The following ADCY1 variants were observed in gnomAD, a reference collection of about 807,000 sequenced individuals.
The protein encoded by ADCY1 is adenylate cyclase 1, also known as adenylate cyclase type 1.
Under a neutral mutation model 105.4 loss-of-function variants are expected in ADCY1, and 28 were observed. That is an observed-to-expected ratio of 0.27 (90% CI 0.20 to 0.36). The LOEUF (loss-of-function observed/expected upper bound fraction) is 0.36, where lower values mean the gene tolerates loss of function less well. Ranked by LOEUF, ADCY1 falls within the 10% of genes least tolerant of loss-of-function variation. ADCY1 has a pLI of 1.00. For missense variants in ADCY1, 977 were observed against 1,434.2 expected, an observed-to-expected ratio of 0.68 and a Z score of 5.15; for synonymous variants, 655 against 623.8, an observed-to-expected ratio of 1.05 and a Z score of -0.75.
chr7:45,618,230 A>C (rs998913420), intron 3 of ADCY1, among the ~76,000 whole-genome samples: 12 of 152,244 alleles, frequency 7.9e-5, no homozygotes, highest in Admixed American at 7.2e-4. Context: ...AAATAAACTC[A>C]AAATGGATCA....
chr7:45,633,618 G>A (rs989915042), intron 4 of ADCY1, among the ~76,000 whole-genome samples: 4 of 152,022 alleles, frequency 2.6e-5, no homozygotes, highest in South Asian at 4.2e-4. Context: ...TCTGGCCAAC[G>A]TGGTGAAACC....
At position 45,581,017 on chromosome 7, in the gene ADCY1, C is replaced by G. The variant is rs77961100; in HGVS notation, c.639+5835C>G. Among the ~76,000 whole-genome samples the G allele has an allele frequency of 8.1e-3, 1,233 of 152,220 alleles. 13 individuals carry two copies. Among genetic ancestry groups the G allele is most frequent in the African/African-American group, 0.022 (913 of 41,530 alleles). On this transcript the variant is annotated intron_variant, in intron 1 of 19. Coordinates refer to ENST00000297323, the MANE Select transcript of ADCY1 (RefSeq NM_021116.4). ...GGTTCCTGCAGATGCCCAGAAATGT[C>G]CTTGGACCATTTCCTGACTCAGACG... is the stretch of plus-strand genomic sequence containing the variant.
At chr7:45,603,573 A>G (rs1793298549) in intron 2 of ADCY1, among the ~76,000 whole-genome samples, 1 of 152,198 alleles carries the variant, frequency 6.6e-6, no homozygotes. Context: ...CAGCTTCCCC[A>G]GTGGCAACAT....
intron 3 of ADCY1, among the ~76,000 whole-genome samples, chr7:45,610,755 G>A (rs754859395): frequency 5.6e-4 from 13 of 23,312 alleles, no homozygotes; most frequent in South Asian, 3.1e-3. Flanking sequence ...TGATGATGGA[G>A]GTGTAGAGGT....
chr7:45,590,190 A>G (rs139678757), intron 1 of ADCY1, among the ~76,000 whole-genome samples: 2,853 of 152,220 alleles, frequency 0.019, 59 homozygotes, highest in South Asian at 0.091. Flanking sequence ...CATCTTGACA[A>G]CTGACCCGCC....
At chr7:45,668,037 A>G (rs905094073) in intron 8 of ADCY1, among the ~76,000 whole-genome samples, 17 of 152,312 alleles carry the variant, frequency 1.1e-4, no homozygotes, top group East Asian at 3.9e-4. Context: ...GGCTGAGATG[A>G]TGGGGTTTTC....
At chr7:45,649,563 G>A (rs979158461) in intron 5 of ADCY1, among the ~76,000 whole-genome samples, 1 of 152,232 alleles carries the variant, frequency 6.6e-6, no homozygotes, top group Admixed American at 6.5e-5. Context: ...GGTAGTTGCA[G>A]GTGAAAGGAT....
chr7:45,626,021 A>G (rs1794053174), intron 4 of ADCY1, among the ~76,000 whole-genome samples: 1 of 152,188 alleles, frequency 6.6e-6, no homozygotes, highest in Admixed American at 6.5e-5. Context: ...GCTACTTCCT[A>G]GAGGCTTGGT....
At chr7:45,677,785 A>T in intron 8 of ADCY1, 84 bp from the exon 9 acceptor site, 1 of 1,421,866 alleles carries the variant, frequency 7.0e-7, no homozygotes. Flanking sequence ...CCTGCAGCGG[A>T]TCTGGCTGGA....
chr7:45,663,302 T>C (rs1463824615), intron 8 of ADCY1, among the ~76,000 whole-genome samples: 1 of 152,236 alleles, frequency 6.6e-6, no homozygotes, highest in African/African-American at 2.4e-5. Context: ...GCATGTGCCG[T>C]CTGTGACCTT....
chr7:45,651,431 G>A (rs1268571473), intron 5 of ADCY1, among the ~76,000 whole-genome samples: 1 of 152,240 alleles, frequency 6.6e-6, no homozygotes, highest in Admixed American at 6.5e-5. Flanking sequence ...GCTTGCCCAG[G>A]CAGAGGAGGA....
At chr7:45,587,228 A>G (rs1351078326) in intron 1 of ADCY1, among the ~76,000 whole-genome samples, 1 of 152,086 alleles carries the variant, frequency 6.6e-6, no homozygotes. Context: ...TGGGTCTGAG[A>G]GCATGCTCTG....
chr7:45,589,429 C>G (rs73318954), intron 1 of ADCY1, among the ~76,000 whole-genome samples: 1 of 152,214 alleles, frequency 6.6e-6, no homozygotes. Flanking sequence ...CTCTGAGTAG[C>G]TCGTGGTGAC....
intron 14 of ADCY1, among the ~76,000 whole-genome samples, chr7:45,698,844 A>G (rs1375152968): frequency 1.3e-5 from 2 of 152,218 alleles, no homozygotes; most frequent in South Asian, 2.1e-4. Context: ...ATGCATGACC[A>G]TGGTCCTATG....
chr7:45,690,259 C>T (rs1010443592), intron 14 of ADCY1, among the ~76,000 whole-genome samples: 6 of 152,028 alleles, frequency 3.9e-5, no homozygotes, highest in Non-Finnish European at 8.8e-5. Flanking sequence ...GGGCTGAGAG[C>T]GGAGGGCACA....
At chr7:45,641,753 C>T (rs369295622) in intron 4 of ADCY1, among the ~76,000 whole-genome samples, 15 of 145,678 alleles carry the variant, frequency 1.0e-4, no homozygotes, top group African/African-American at 3.8e-4. Flanking sequence ...GGTGAAACCC[C>T]GTCTCTACTA....
chr7:45,593,543 C>A (rs1000071551), intron 2 of ADCY1, among the ~76,000 whole-genome samples: 1 of 152,162 alleles, frequency 6.6e-6, no homozygotes, highest in African/African-American at 2.4e-5. Context: ...CTGTCTGCTG[C>A]GCGGGGCCTG....
At chr7:45,627,546 T>G (rs1463500726) in intron 4 of ADCY1, among the ~76,000 whole-genome samples, 2 of 152,208 alleles carry the variant, frequency 1.3e-5, no homozygotes. Flanking sequence ...GACAGTGCCA[T>G]GCCAGTGTGT....
At chr7:45,657,618 GA>G in intron 5 of ADCY1, 108 bp from the exon 6 acceptor site, 1 of 1,215,756 alleles carries the variant, frequency 8.2e-7, no homozygotes, top group Non-Finnish European at 1.1e-6. Flanking sequence ...ATGCAGCAAG[GA>G]CAAGACCCAG....
Sources: gnomAD v4.1 joint callset for allele counts (sites outside exome capture counted in the v4.1 genomes callset) on GRCh38, gnomAD v4.1.1 for gene constraint, MANE v1.5 for transcripts, NCBI Gene and HGNC (gene_info 2026-07-23, HGNC 2026-07-21) for gene names.